The following VAPA variants were observed in gnomAD, a reference collection of about 807,000 sequenced individuals.
The protein encoded by VAPA is VAMP associated protein A, also known as vesicle-associated membrane protein-associated protein A.
In VAPA, 6 loss-of-function variants were observed where a neutral mutation model predicts 25.6. The ratio of observed to expected loss-of-function variants is 0.23; its 90% CI spans 0.13 to 0.46. The LOEUF is 0.46. VAPA is among the 20% of genes least tolerant of loss of function. The pLI, the probability that VAPA is intolerant of heterozygous loss-of-function variation, is 0.99. For missense variants in VAPA, 244 were observed against 302.1 expected (o/e 0.81, Z 1.43); for synonymous variants, 112 against 106.2 (o/e 1.05, Z -0.34).
At chr18:9,922,952 T>C (rs2069169642) in intron 1 of VAPA, among the ~76,000 whole-genome samples, 1 of 152,246 alleles carries the variant, frequency 6.6e-6, no homozygotes, top group Non-Finnish European at 1.5e-5. Flanking sequence ...CACATTATTC[T>C]TTAACATTTC....
intron 5 of VAPA, among the ~76,000 whole-genome samples, chr18:9,952,576 AAAAAC>A (rs1166959506): frequency 6.6e-6 from 1 of 151,814 alleles, no homozygotes; most frequent in Non-Finnish European, 1.5e-5. Context: ...AAAAAAAAAA[AAAAAC>A]AAAACCCTTG....
intron 1 of VAPA, among the ~76,000 whole-genome samples, chr18:9,925,814 A>G (rs2143312242): frequency 6.6e-6 from 1 of 152,300 alleles, no homozygotes; most frequent in Non-Finnish European, 1.5e-5. Context: ...GAAATACAAT[A>G]TCAATTTAAA....
chr18:9,936,738 C>A, intron 3 of VAPA: 4 of 212,726 alleles, frequency 1.9e-5, no homozygotes, highest in South Asian at 7.1e-5. Flanking sequence ...GAAAGAAATG[C>A]TAAGAAGAAA....
At chr18:9,928,563 T>G (rs549405530) in intron 1 of VAPA, among the ~76,000 whole-genome samples, 28 of 152,166 alleles carry the variant, frequency 1.8e-4, no homozygotes, top group Non-Finnish European at 3.4e-4. Flanking sequence ...ATTATTGGTT[T>G]AATTCAGGGG....
rs1310547473 is a variant in VAPA, at chr18:9,954,563, T to C, written c.*352T>C. ...ATGTTATTTTAATAATCCCTTTAAATTTTATCTGTTGCTGTTACCTCTTGA... is the reference window on the plus strand; with the variant it reads ...ATGTTATTTTAATAATCCCTTTAAACTTTATCTGTTGCTGTTACCTCTTGA... On this transcript the variant is annotated 3_prime_UTR_variant, in exon 6 of 6. Transcript: ENST00000400000. 2 of 174,340 alleles carry C rather than the reference T, an allele frequency of 1.1e-5. No homozygotes were observed. The highest frequency in any genetic ancestry group is 2.3e-3 in the Middle Eastern group (1 of 438). The allele number at this position is 174,340 out of a possible 1,614,324, so 10.8% of individuals were successfully genotyped here. A position where few individuals can be genotyped will look rare whatever the true frequency, so the allele number is the denominator to read the frequency against.
intron 1 of VAPA, among the ~76,000 whole-genome samples, chr18:9,922,242 T>TTAAATTTATA (rs2069163035): frequency 6.6e-6 from 1 of 152,166 alleles, no homozygotes. Flanking sequence ...AGTGCTGGAA[T>TTAAATTTATA]TACAGGCATG....
At chr18:9,925,820 T>A (rs938776160) in intron 1 of VAPA, among the ~76,000 whole-genome samples, 1 of 152,150 alleles carries the variant, frequency 6.6e-6, no homozygotes, top group Non-Finnish European at 1.5e-5. Context: ...CAATATCAAT[T>A]TAAAAATCTT....
rs1279586674 is a variant in VAPA at position 9,954,132 on chromosome 18, T to G, written c.671T>G (p.Val224Gly). The stretch of plus-strand genomic sequence containing the variant: ...TCAACTGCATCCTTCAGAGATAATG[T>G]CACCAGTCCTCTTCCTTCACTTCTT... Reference protein sequence around the residue: ...STSTASFRDNVTSPLPSLLVV... With the variant: ...STSTASFRDNGTSPLPSLLVV... Residue 224 changes from valine (V) to glycine (G), a missense_variant, in exon 6 of 6, where the codon GTC (valine) becomes GGC (glycine). Val to Gly is a moderately radical substitution (Grantham distance 109). This residue lies in a region of VAPA where 145 missense variants were observed against 140.6 expected (regional missense o/e 1.03). Coordinates refer to ENST00000400000, the MANE Select transcript of VAPA (RefSeq NM_194434.3). 8.7e-6 allele frequency: 14 copies of G among 1,613,960 alleles called. No individual in the cohort carries two copies. Among genetic ancestry groups the G allele is most frequent in the Non-Finnish European group, 1.2e-5 (14 of 1,179,936 alleles).
At chr18:9,919,429 C>G (rs1341451781) in intron 1 of VAPA, among the ~76,000 whole-genome samples, 2 of 152,054 alleles carry the variant, frequency 1.3e-5, no homozygotes, top group Non-Finnish European at 2.9e-5. Context: ...GAAACACAAG[C>G]CATGTTTTCA....
intron 4 of VAPA, chr18:9,949,078 C>A: frequency 6.6e-6 from 1 of 151,964 alleles, no homozygotes; most frequent in South Asian, 2.1e-4. Context: ...GTTCTAACTA[C>A]TATTAAGGAA....
At chr18:9,935,010 G>A (rs1364531427) in intron 2 of VAPA, among the ~76,000 whole-genome samples, 1 of 151,354 alleles carries the variant, frequency 6.6e-6, no homozygotes, top group East Asian at 2.0e-4. Context: ...CAGGAGAATG[G>A]CGTGAACCTG....
chr18:9,940,096 A>G (rs2069352003), intron 4 of VAPA, among the ~76,000 whole-genome samples: 1 of 152,128 alleles, frequency 6.6e-6, no homozygotes, highest in African/African-American at 2.4e-5. Flanking sequence ...GTTGGTTTAT[A>G]AGCATCCCAC....
chr18:9,940,793 T>C (rs1176034290), intron 4 of VAPA, among the ~76,000 whole-genome samples: 2 of 152,226 alleles, frequency 1.3e-5, no homozygotes, highest in Admixed American at 1.3e-4. Context: ...GTTTATAATT[T>C]ACATTTCAAG....
chr18:9,923,741 A>G (rs1229235327), intron 1 of VAPA, among the ~76,000 whole-genome samples: 1 of 152,160 alleles, frequency 6.6e-6, no homozygotes, highest in African/African-American at 2.4e-5. Context: ...AACCTCACTA[A>G]CAACAGATCC....
intron 2 of VAPA, among the ~76,000 whole-genome samples, chr18:9,935,123 T>G (rs1384560222): frequency 6.6e-6 from 1 of 151,496 alleles, no homozygotes. Flanking sequence ...ACTTAAAAAT[T>G]TTGAATGTTA....
intron 4 of VAPA, chr18:9,949,027 G>C (rs1056116156): frequency 6.6e-6 from 1 of 152,206 alleles, no homozygotes; most frequent in Non-Finnish European, 1.5e-5. Context: ...AGTTGGATTT[G>C]TGCTAGGATA....
Position 9,954,236 on chromosome 18 carries a change from C to CTTTTT in VAPA, c.*34_*38dup. On this transcript the variant is annotated 3_prime_UTR_variant, in exon 6 of 6. Coordinates refer to ENST00000400000, the MANE Select transcript of VAPA (RefSeq NM_194434.3). The stretch of plus-strand genomic sequence containing the variant: ...GAGTGAAGCATGCAGAGTGCTGTTT[C>CTTTTT]TTTTTTTTTTTTTCTCTTGACCAGA... The CTTTTT allele has an allele frequency of 2.2e-6, 3 of 1,343,946 alleles. No individual in the cohort carries two copies. The highest frequency in any genetic ancestry group is 2.0e-4 in the Middle Eastern group (1 of 4,892). The allele number at this position is 1,343,946 out of a possible 1,614,324, so 83.3% of individuals were successfully genotyped here.
intron 1 of VAPA, among the ~76,000 whole-genome samples, chr18:9,916,439 C>G (rs552298209): frequency 6.6e-6 from 1 of 152,146 alleles, no homozygotes. Flanking sequence ...AAGGAAAAGG[C>G]TTGTTTTTCA....
At chr18:9,942,659 A>G (rs1000356578) in intron 4 of VAPA, among the ~76,000 whole-genome samples, 1 of 152,188 alleles carries the variant, frequency 6.6e-6, no homozygotes, top group African/African-American at 2.4e-5. Flanking sequence ...AGGAGGCCTC[A>G]GGAAACTTCT....
Sources: gnomAD v4.1 joint callset for allele counts (sites outside exome capture counted in the v4.1 genomes callset) on GRCh38, gnomAD v4.1.1 for gene constraint, gnomAD v4.1.1 regional missense constraint, MANE v1.5 for transcripts, NCBI Gene and HGNC (gene_info 2026-07-23, HGNC 2026-07-21) for gene names.